The following ABCA13 variants were observed in gnomAD, a reference collection of about 807,000 sequenced individuals.
The protein encoded by ABCA13 is ATP-binding cassette sub-family A member 13.
In ABCA13, 476 loss-of-function variants were observed where a neutral mutation model predicts 478.7. The observed-to-expected ratio is 0.99, with a 90% CI of 0.92 to 1.07. The LOEUF (loss-of-function observed/expected upper bound fraction) is 1.07. Among genes scored for constraint, ABCA13 ranks in the 50% least tolerant of loss-of-function variants. ABCA13 has a pLI of 0.00. For missense variants in ABCA13, 6,060 were observed against 5,910.6 expected (o/e 1.03, Z -0.83); for synonymous variants, 2,252 against 2,158.9 (o/e 1.04, Z -1.20).
chr7:48,609,377 C>T (rs546489985), intron 58 of ABCA13, among the ~76,000 whole-genome samples: 20 of 152,134 alleles, frequency 1.3e-4, no homozygotes, highest in South Asian at 1.0e-3. Context: ...TACTCACTGT[C>T]GATGAAGAGT....
rs549226721 is a variant in ABCA13, at chr7:48,196,899, T to C, written c.164-1338T>C. 1.1e-3 allele frequency among the ~76,000 whole-genome samples: 163 copies of C among 152,304 alleles called. 1 individual carries two copies. Among genetic ancestry groups the C allele is most frequent in the Non-Finnish European group, 1.8e-3 (123 of 68,018 alleles). ...GCTGGCCCCGTTCTTGTGCTGTGAC[T>C]GAGAGGGACCTTAGAAAAGGTGATA... On this transcript the variant is annotated intron_variant, in intron 2 of 61. Transcript: ENST00000435803.
intron 59 of ABCA13, 76 bp from the exon 60 acceptor site, chr7:48,643,212 G>T: frequency 1.1e-6 from 1 of 941,356 alleles, no homozygotes; most frequent in African/African-American, 1.7e-5. Context: ...CTCCCTCTGT[G>T]TGAAAATGGA....
intron 23 of ABCA13, 79 bp from the exon 24 acceptor site, chr7:48,309,868 C>G (rs754287476): frequency 6.6e-7 from 1 of 1,526,618 alleles, no homozygotes; most frequent in Non-Finnish European, 9.0e-7. Flanking sequence ...GACTCCCTGC[C>G]GATGAAGCTC....
intron 56 of ABCA13, among the ~76,000 whole-genome samples, chr7:48,582,549 T>C (rs181937051): frequency 4.6e-5 from 7 of 152,314 alleles, no homozygotes; most frequent in Non-Finnish European, 7.3e-5. Context: ...ATTTTCATTG[T>C]AACATGGAGA....
intron 23 of ABCA13, among the ~76,000 whole-genome samples, chr7:48,307,756 C>G (rs777256809): frequency 2.8e-4 from 42 of 152,170 alleles, no homozygotes; most frequent in Admixed American, 4.6e-4. Context: ...TCTCGGCTCA[C>G]TGTGAGCTCC....
intron 24 of ABCA13, among the ~76,000 whole-genome samples, chr7:48,311,106 AG>A (rs1801709886): frequency 6.6e-6 from 1 of 152,146 alleles, no homozygotes; most frequent in African/African-American, 2.4e-5. Context: ...GAGAGGCTGC[AG>A]GGTTTGTACT....
intron 55 of ABCA13, among the ~76,000 whole-genome samples, chr7:48,560,562 C>T (rs1786353702): frequency 1.3e-5 from 2 of 152,146 alleles, no homozygotes; most frequent in South Asian, 4.1e-4. Context: ...TTTGGTGTTT[C>T]TGCAGGAGGG....
intron 45 of ABCA13, among the ~76,000 whole-genome samples, chr7:48,475,965 A>C (rs1828048114): frequency 6.6e-6 from 1 of 152,160 alleles, no homozygotes; most frequent in South Asian, 2.1e-4. Flanking sequence ...CAACACTATG[A>C]CCCAAAACAT....
At position 48,298,393 on chromosome 7, in the gene ABCA13, A is replaced by C. The variant is rs1170594450; in HGVS notation, c.9227A>C (p.Asn3076Thr). The C allele has an allele frequency of 1.2e-6, 2 of 1,611,482 alleles. No individual in the cohort carries two copies. Among genetic ancestry groups the C allele is most frequent in the Admixed American group, 3.3e-5 (2 of 59,706 alleles). ...GTAAAAATAAAAGATTTGATGAAGA[A>C]TATCACCAAGTTGACTGAGGAGCTT... ...EDVKIKDLMK[N>T]ITKLTEELRS... Residue 3076 changes from asparagine to threonine, a missense_variant, in exon 23 of 62, where the codon AAT becomes ACT. Coordinates refer to ENST00000435803, the MANE Select transcript of ABCA13 (RefSeq NM_152701.5).
intron 3 of ABCA13, among the ~76,000 whole-genome samples, chr7:48,207,834 T>G (rs1038976003): frequency 2.0e-5 from 3 of 152,174 alleles, no homozygotes; most frequent in African/African-American, 7.2e-5. Flanking sequence ...ATTTTTACTT[T>G]TGTTGTCTGT....
chr7:48,583,775 T>C lies in ABCA13; in HGVS notation c.14506-3379T>C, dbSNP rs944601888. ...TTGCCAACTGAGATTGCTAAGGCAT[T>C]GCTTTTGCCATTACTTTGACAGTAT... is the stretch of plus-strand genomic sequence containing the variant. On this transcript the variant is annotated intron_variant, in intron 56 of 61. Coordinates refer to ENST00000435803, the MANE Select transcript of ABCA13 (RefSeq NM_152701.5). Among the ~76,000 whole-genome samples, 28 of 152,246 alleles carry C rather than the reference T, an allele frequency of 1.8e-4. 1 individual carries two copies. The highest frequency in any genetic ancestry group is 6.3e-4 in the African/African-American group (26 of 41,464).
chr7:48,455,118 T>A lies in ABCA13; in HGVS notation c.12647T>A (p.Leu4216His). ...AQVAAILARR[L>H]RRTLRAGKST... ...GTGGCCGCGATCCTGGCCCGGAGGC[T>A]CCGCCGCACGCTGCGCGCCGGGAAG... is the stretch of plus-strand genomic sequence containing the variant. The change falls in exon 43 of 62, where the codon CTC becomes CAC. Residue 4216 changes from leucine (L) to histidine (H), a missense_variant. Physicochemically the swap from Leu to His is moderately conservative, Grantham distance 99. Coordinates refer to ENST00000435803, the MANE Select transcript of ABCA13 (RefSeq NM_152701.5). The A allele has an allele frequency of 6.4e-7, 1 of 1,560,910 alleles. No homozygotes were observed. The highest frequency in any genetic ancestry group is 8.7e-7 in the Non-Finnish European group (1 of 1,153,254).
chr7:48,447,672 GAA>G (rs1824470900), intron 42 of ABCA13, among the ~76,000 whole-genome samples: 1 of 152,144 alleles, frequency 6.6e-6, no homozygotes, highest in African/African-American at 2.4e-5. Context: ...AGGAGAGAGA[GAA>G]GCCTCACCTC....
intron 48 of ABCA13, among the ~76,000 whole-genome samples, chr7:48,505,068 C>G (rs78674103): frequency 6.6e-6 from 1 of 152,114 alleles, no homozygotes; most frequent in Non-Finnish European, 1.5e-5. Context: ...ACACACACTG[C>G]GAGCCTGGAC....
chr7:48,537,204 A>G (rs1353978738), intron 55 of ABCA13, among the ~76,000 whole-genome samples: 1 of 152,014 alleles, frequency 6.6e-6, no homozygotes, highest in Non-Finnish European at 1.5e-5. Flanking sequence ...GCTTTTCTCA[A>G]TCTAGTTTTG....
At chr7:48,308,834 C>G (rs1402677870) in intron 23 of ABCA13, among the ~76,000 whole-genome samples, 3 of 150,972 alleles carry the variant, frequency 2.0e-5, no homozygotes, top group African/African-American at 7.3e-5. Context: ...TGTGTGACAA[C>G]TGCCTACAGG....
Position 48,412,453 on chromosome 7 carries a change from G to A in ABCA13, c.12329G>A (p.Ser4110Asn), listed in dbSNP as rs1457820467. The A allele has an allele frequency of 7.4e-6, 12 of 1,613,448 alleles. No individual in the cohort carries two copies. Among genetic ancestry groups the A allele is most frequent in the African/African-American group, 1.3e-5 (1 of 74,822 alleles). The change falls in exon 41 of 62, where the codon AGT (serine) becomes AAT (asparagine). Residue 4110 changes from serine to asparagine, a missense_variant. Transcript: ENST00000435803. ...GCATTTCTCAAAGACAGCAGTGGAA[G>A]TGAGCTGACCTACACCATTCCAAAG... ...PQAFLKDSSG[S>N]ELTYTIPKDT...
At chr7:48,638,883 C>T (rs182493868) in intron 59 of ABCA13, among the ~76,000 whole-genome samples, 75 of 152,222 alleles carry the variant, frequency 4.9e-4, no homozygotes, top group African/African-American at 1.6e-3. Flanking sequence ...AGAGCATTAA[C>T]GATTAGATGA....
chr7:48,604,256 T>C (rs1791224880), intron 58 of ABCA13, among the ~76,000 whole-genome samples: 1 of 152,186 alleles, frequency 6.6e-6, no homozygotes, highest in Non-Finnish European at 1.5e-5. Flanking sequence ...TCTTAGTTAT[T>C]TATTGTCTTC....
Sources: allele counts gnomAD v4.1 joint callset (sites outside exome capture counted in the v4.1 genomes callset), GRCh38; gene constraint gnomAD v4.1.1; transcripts MANE v1.5; gene names NCBI Gene and HGNC (gene_info 2026-07-23, HGNC 2026-07-21).